The following ULK4 variants were observed in gnomAD, a reference collection of about 807,000 sequenced individuals.
ULK4 encodes the protein inactive serine/threonine-protein kinase ULK4.
ULK4 carries 133 observed loss-of-function variants against 160.6 expected under a neutral mutation model. The observed-to-expected ratio is 0.83, with a 90% CI of 0.72 to 0.96. The LOEUF (loss-of-function observed/expected upper bound fraction) is 0.96, where lower values mean the gene tolerates loss of function less well. Among genes scored for constraint, ULK4 ranks in the 40% least tolerant of loss-of-function variants. The pLI is 0.00. For synonymous variants in ULK4, 534 were observed against 539.8 expected, an observed-to-expected ratio of 0.99 and a Z score of 0.15; for missense variants, 1,580 against 1,499.5, an observed-to-expected ratio of 1.05 and a Z score of -0.89.
At chr3:41,769,891 T>C (rs929251749) in intron 21 of ULK4, among the ~76,000 whole-genome samples, 1 of 152,174 alleles carries the variant, frequency 6.6e-6, no homozygotes, top group Non-Finnish European at 1.5e-5. Flanking sequence ...TCAATATGTA[T>C]AGCCTGGCCA....
At chr3:41,356,727 T>A (rs1321692452) in intron 35 of ULK4, among the ~76,000 whole-genome samples, 1 of 152,202 alleles carries the variant, frequency 6.6e-6, no homozygotes, top group East Asian at 1.9e-4. Context: ...CTGGTTAGGA[T>A]GTTTCACAGG....
intron 27 of ULK4, among the ~76,000 whole-genome samples, chr3:41,699,096 T>C (rs2036589100): frequency 1.3e-5 from 2 of 152,188 alleles, no homozygotes; most frequent in South Asian, 4.2e-4. Context: ...CTCATTTCTA[T>C]TGAATATATA....
intron 32 of ULK4, among the ~76,000 whole-genome samples, chr3:41,499,123 A>T (rs927962389): frequency 6.6e-6 from 1 of 152,222 alleles, no homozygotes; most frequent in African/African-American, 2.4e-5. Flanking sequence ...AGAAAAGACA[A>T]ATCTATACAG....
chr3:41,576,337 A>T (rs1445682055), intron 31 of ULK4, among the ~76,000 whole-genome samples: 2 of 152,194 alleles, frequency 1.3e-5, no homozygotes, highest in African/African-American at 4.8e-5. Context: ...TGCCTGCATC[A>T]CTGTGGCCAC....
intron 17 of ULK4, among the ~76,000 whole-genome samples, chr3:41,847,779 T>C (rs114938278): frequency 1.2e-3 from 176 of 152,336 alleles, no homozygotes; most frequent in Non-Finnish European, 1.9e-3. Flanking sequence ...TAGATTCCTT[T>C]GGATGCTGTG....
chr3:41,444,578 G>T (rs867335084), intron 34 of ULK4, among the ~76,000 whole-genome samples: 2 of 151,952 alleles, frequency 1.3e-5, no homozygotes, highest in Non-Finnish European at 2.9e-5. Flanking sequence ...CTTGAGATTT[G>T]GTTATTAGAG....
intron 34 of ULK4, among the ~76,000 whole-genome samples, chr3:41,419,748 G>T (rs2082616561): frequency 6.6e-6 from 1 of 152,142 alleles, no homozygotes. Context: ...GTGCTGGGCT[G>T]CTTGTTCTCT....
At position 41,491,888 on chromosome 3, in the gene ULK4, C is replaced by T. The variant is rs9873144; in HGVS notation, c.3227-28635G>A. 1.5e-4 allele frequency among the ~76,000 whole-genome samples: 23 copies of T among 150,498 alleles called. 1 individual carries two copies. Among genetic ancestry groups the T allele is most frequent in the East Asian group, 2.0e-4 (1 of 5,118 alleles). On this transcript the variant is annotated intron_variant, in intron 32 of 36. Coordinates refer to ENST00000301831, the MANE Select transcript of ULK4 (RefSeq NM_017886.4). Reference sequence around the variant, plus strand: ...TAATGCTATCCCTCCCGCCTCCCCCCACCCCACAACAGTCCCCAGAGTATG... The same window carrying T: ...TAATGCTATCCCTCCCGCCTCCCCCTACCCCACAACAGTCCCCAGAGTATG...
chr3:41,617,346 C>T (rs1296294349), intron 30 of ULK4, among the ~76,000 whole-genome samples: 1 of 152,212 alleles, frequency 6.6e-6, no homozygotes. Context: ...CAACAGGGGT[C>T]GACAGACACC....
At chr3:41,696,478 C>G (rs939083646) in intron 27 of ULK4, among the ~76,000 whole-genome samples, 12 of 152,138 alleles carry the variant, frequency 7.9e-5, no homozygotes, top group Non-Finnish European at 1.6e-4. Flanking sequence ...CACTCTTTAC[C>G]CTGCCCCTTT....
At chr3:41,620,612 A>G (rs936650836) in intron 30 of ULK4, among the ~76,000 whole-genome samples, 6 of 152,202 alleles carry the variant, frequency 3.9e-5, no homozygotes, top group African/African-American at 1.4e-4. Context: ...GATGGAACAT[A>G]TGTCAAAATA....
chr3:41,434,017 C>T (rs527354655), intron 34 of ULK4, among the ~76,000 whole-genome samples: 5 of 152,308 alleles, frequency 3.3e-5, no homozygotes, highest in Admixed American at 6.5e-5. Context: ...CCACCACACC[C>T]GGCCTATCCC....
At chr3:41,858,670 ATT>A (rs755950925) in intron 17 of ULK4, among the ~76,000 whole-genome samples, 3 of 133,328 alleles carry the variant, frequency 2.3e-5, no homozygotes, top group Non-Finnish European at 1.6e-5. Flanking sequence ...TTTTTGTGTG[ATT>A]TTTTTTTTTT....
At chr3:41,712,966 C>T (rs144258341) in intron 25 of ULK4, among the ~76,000 whole-genome samples, 1,746 of 151,884 alleles carry the variant, frequency 0.011, 17 homozygotes, top group Non-Finnish European at 0.015. Context: ...GAATGGACTA[C>T]TTCCCTATGT....
chr3:41,645,000 T>G (rs1426525044), intron 30 of ULK4, among the ~76,000 whole-genome samples: 2 of 149,986 alleles, frequency 1.3e-5, no homozygotes, highest in African/African-American at 4.9e-5. Flanking sequence ...TGTAGTATTC[T>G]CTGATGGTAG....
intron 35 of ULK4, among the ~76,000 whole-genome samples, chr3:41,358,180 C>A (rs2081064521): frequency 6.6e-6 from 1 of 152,210 alleles, no homozygotes; most frequent in Non-Finnish European, 1.5e-5. Context: ...CTCCGCAGAA[C>A]AGATTGTGGC....
chr3:41,259,641 C>T (rs953725133), intron 35 of ULK4, among the ~76,000 whole-genome samples: 1 of 152,178 alleles, frequency 6.6e-6, no homozygotes, highest in Admixed American at 6.5e-5. Context: ...GCATCATCCT[C>T]CTCCTAAAGC....
intron 35 of ULK4, among the ~76,000 whole-genome samples, chr3:41,320,712 T>C (rs1004782882): frequency 2.5e-5 from 3 of 119,698 alleles, no homozygotes; most frequent in Non-Finnish European, 3.5e-5. Flanking sequence ...AGGTCAGGAG[T>C]TCCAGATCAG....
At chr3:41,797,820 C>A (rs185921920) in intron 20 of ULK4, among the ~76,000 whole-genome samples, 111 of 151,330 alleles carry the variant, frequency 7.3e-4, no homozygotes, top group African/African-American at 2.6e-3. Context: ...AAGATCACAC[C>A]GTTGCACTCC....
Sources: allele counts gnomAD v4.1 joint callset (sites outside exome capture counted in the v4.1 genomes callset), GRCh38; gene constraint gnomAD v4.1.1; transcripts MANE v1.5; gene names NCBI Gene and HGNC (gene_info 2026-07-23, HGNC 2026-07-21).